Variants in MPRIP observed in about 807,000 individuals in gnomAD.
MPRIP encodes the protein myosin phosphatase Rho-interacting protein.
In MPRIP, 59 loss-of-function variants were observed where a neutral mutation model predicts 234.9. That is an observed-to-expected ratio of 0.25 (90% confidence interval 0.20 to 0.31). MPRIP has a LOEUF of 0.31. Ranked by LOEUF, MPRIP falls within the 10% of genes least tolerant of loss-of-function variation. MPRIP has a pLI of 1.00. For missense variants in MPRIP, 2,436 were observed against 3,071.0 expected, an observed-to-expected ratio of 0.79 and a Z score of 4.89; for synonymous variants, 1,144 against 1,263.9, an observed-to-expected ratio of 0.91 and a Z score of 2.01.
At chr17:17,071,896 A>G (rs1174855927) in intron 1 of MPRIP, among the ~76,000 whole-genome samples, 1 of 152,086 alleles carries the variant, frequency 6.6e-6, no homozygotes, top group Non-Finnish European at 1.5e-5. Context: ...AACAACAGAT[A>G]CCTGCTTCTC....
intron 1 of MPRIP, among the ~76,000 whole-genome samples, chr17:17,043,734 A>G (rs2088255791): frequency 6.6e-6 from 1 of 152,188 alleles, no homozygotes; most frequent in South Asian, 2.1e-4. Flanking sequence ...AGGCTCCAAG[A>G]GGCTTGGCTG....
chr17:17,066,634 T>C (rs1171328258), intron 1 of MPRIP, among the ~76,000 whole-genome samples: 1 of 149,880 alleles, frequency 6.7e-6, no homozygotes, highest in Non-Finnish European at 1.5e-5. Context: ...CGGATAGTAC[T>C]GAACCTGATT....
chr17:17,087,389 A>G (rs1348528384), intron 3 of MPRIP, among the ~76,000 whole-genome samples: 1 of 152,282 alleles, frequency 6.6e-6, no homozygotes, highest in East Asian at 1.9e-4. Flanking sequence ...CCAGTATTAG[A>G]TGTTCTGTAC....
At chr17:17,123,325 G>A (rs188631604) in intron 3 of MPRIP, among the ~76,000 whole-genome samples, 1 of 152,186 alleles carries the variant, frequency 6.6e-6, no homozygotes, top group East Asian at 1.9e-4. Context: ...GTACACTTTA[G>A]GTAAATTGTA....
At chr17:17,168,113 C>G (rs2046045166) in intron 16 of MPRIP, 198 bp downstream of exon 16, 1 of 381,938 alleles carries the variant, frequency 2.6e-6, no homozygotes, top group South Asian at 2.2e-5. Context: ...GTGTCCTCCA[C>G]CAGGAGGAGA....
At chr17:17,177,592 C>T (rs1240973148) in intron 22 of MPRIP, among the ~76,000 whole-genome samples, 180 bp downstream of exon 22, 1 of 152,188 alleles carries the variant, frequency 6.6e-6, no homozygotes, top group African/African-American at 2.4e-5. Context: ...CCTTGCTCTC[C>T]CCATCGCAGC....
chr17:17,091,889 G>GCC (rs1346559268), intron 3 of MPRIP, among the ~76,000 whole-genome samples: 1 of 152,238 alleles, frequency 6.6e-6, no homozygotes, highest in Non-Finnish European at 1.5e-5. Context: ...TAGGAAAACA[G>GCC]CCCCACTCCA....
At chr17:17,098,870 G>A (rs921181984) in intron 3 of MPRIP, among the ~76,000 whole-genome samples, 1 of 152,114 alleles carries the variant, frequency 6.6e-6, no homozygotes, top group African/African-American at 2.4e-5. Flanking sequence ...CCCAGCATTG[G>A]ATGCCTGCCT....
intron 11 of MPRIP, 152 bp downstream of exon 11, chr17:17,147,539 G>A (rs1329633451): frequency 2.8e-6 from 2 of 722,774 alleles, no homozygotes; most frequent in Non-Finnish European, 4.8e-6. Context: ...GTATGTCCAT[G>A]TTGCCCTCTT....
intron 1 of MPRIP, among the ~76,000 whole-genome samples, chr17:17,071,555 G>A (rs905035417): frequency 6.6e-6 from 1 of 152,098 alleles, no homozygotes. Flanking sequence ...ATCTACATCT[G>A]CCCCATCGTC....
At chr17:17,096,635 G>A in intron 3 of MPRIP, 1 of 394,648 alleles carries the variant, frequency 2.5e-6, no homozygotes, top group Non-Finnish European at 5.3e-6. Flanking sequence ...TAAGACCCTT[G>A]TTGTTGACTG....
chr17:17,083,884 C>T (rs1328644827), intron 3 of MPRIP, among the ~76,000 whole-genome samples: 1 of 152,188 alleles, frequency 6.6e-6, no homozygotes, highest in East Asian at 1.9e-4. Flanking sequence ...GCTGGAACTA[C>T]AGGCCCGCGC....
intron 9 of MPRIP, among the ~76,000 whole-genome samples, chr17:17,145,475 G>A (rs1205114310): frequency 1.3e-5 from 2 of 152,186 alleles, no homozygotes; most frequent in Admixed American, 6.5e-5. Flanking sequence ...GTGCCTGGGC[G>A]CTGCCCCCCT....
At chr17:17,104,976 G>A (rs1484225059) in intron 3 of MPRIP, among the ~76,000 whole-genome samples, 3 of 152,188 alleles carry the variant, frequency 2.0e-5, no homozygotes, top group Non-Finnish European at 2.9e-5. Context: ...GAGGGGCCTT[G>A]TTGCTTCCAG....
chr17:17,116,838 G>A (rs902078862), intron 3 of MPRIP, among the ~76,000 whole-genome samples: 1 of 152,236 alleles, frequency 6.6e-6, no homozygotes. Flanking sequence ...AATGTGGCCT[G>A]GGAAACCAGC....
rs972386474 is a variant in MPRIP, at chr17:17,164,910, C to T, written c.3319C>T (p.Arg1107Trp). ...GCACGTGCAGAGCCTCTGTGACGAG[C>T]GGGACCTCCTCAGACAGCGGTTCCA... ...AEHVQSLCDE[R>W]DLLRQRFQEL... is the part of the protein sequence containing the mutation. Residue 1107 changes from arginine (R) to tryptophan (W), a missense_variant, in exon 16 of 24, where the codon CGG (arginine) becomes TGG (tryptophan). Physicochemically the swap from Arg to Trp is moderately radical, Grantham distance 101. This residue lies in a region of MPRIP where 1,998 missense variants were observed against 2,520.3 expected (regional missense o/e 0.79). Coordinates refer to ENST00000651222, the MANE Select transcript of MPRIP (RefSeq NM_001364716.4). 6 of 1,303,536 alleles carry T rather than the reference C, an allele frequency of 4.6e-6. No homozygotes were observed. The highest frequency in any genetic ancestry group is 4.6e-5 in the African/African-American group (3 of 65,864). The allele number at this position is 1,303,536 out of a possible 1,614,324, so 80.7% of individuals were successfully genotyped here.
At chr17:17,059,562 T>C (rs571410610) in intron 1 of MPRIP, among the ~76,000 whole-genome samples, 1 of 152,356 alleles carries the variant, frequency 6.6e-6, no homozygotes, top group African/African-American at 2.4e-5. Flanking sequence ...GTCCCCTGAC[T>C]TCCATTTCTG....
At chr17:17,101,086 T>G (rs1047956624) in intron 3 of MPRIP, among the ~76,000 whole-genome samples, 1 of 152,180 alleles carries the variant, frequency 6.6e-6, no homozygotes, top group Non-Finnish European at 1.5e-5. Context: ...AGGGAATTTA[T>G]CTTAAGAGTT....
At chr17:17,147,899 T>G (rs1225814024) in intron 11 of MPRIP, among the ~76,000 whole-genome samples, 1 of 151,970 alleles carries the variant, frequency 6.6e-6, no homozygotes, top group Non-Finnish European at 1.5e-5. Flanking sequence ...ATAGAAGGGG[T>G]TCTTTTTTTC....
Sources: gnomAD v4.1 joint callset for allele counts (sites outside exome capture counted in the v4.1 genomes callset) on GRCh38, gnomAD v4.1.1 for gene constraint, gnomAD v4.1.1 regional missense constraint, MANE v1.5 for transcripts, NCBI Gene and HGNC (gene_info 2026-07-23, HGNC 2026-07-21) for gene names.